Variants in ACER3 observed in about 807,000 individuals in gnomAD.
ACER3 encodes alkaline ceramidase 3.
ACER3 carries 16 observed loss-of-function variants against 48.9 expected under a neutral mutation model. That is an observed-to-expected ratio of 0.33 (90% CI 0.22 to 0.50). The LOEUF (loss-of-function observed/expected upper bound fraction) is 0.50, where lower values mean the gene tolerates loss of function less well. Ranked by LOEUF, ACER3 falls within the 20% of genes least tolerant of loss-of-function variation. The pLI is 0.98. For synonymous variants in ACER3, 109 were observed against 107.8 expected (o/e 1.01, Z -0.07); for missense variants, 227 against 326.0 (o/e 0.70, Z 2.34).
intron 6 of ACER3, among the ~76,000 whole-genome samples, chr11:76,996,715 C>CA (rs1305296706): frequency 7.5e-6 from 1 of 134,042 alleles, no homozygotes; most frequent in Non-Finnish European, 1.6e-5. Flanking sequence ...CCACCCCACC[C>CA]AGCCTTTTTT....
intron 2 of ACER3, among the ~76,000 whole-genome samples, chr11:76,951,605 T>C (rs927569315): frequency 1.3e-5 from 2 of 152,350 alleles, no homozygotes. Context: ...CACCTTATTT[T>C]ATTTCTCCCC....
At chr11:76,864,220 A>G (rs542644037) in intron 1 of ACER3, among the ~76,000 whole-genome samples, 1 of 152,202 alleles carries the variant, frequency 6.6e-6, no homozygotes, top group African/African-American at 2.4e-5. Context: ...ACCAGAGGAA[A>G]AGGTCTCTCA....
At chr11:76,985,813 G>A in intron 5 of ACER3, 89 bp downstream of exon 5, 2 of 682,360 alleles carry the variant, frequency 2.9e-6, no homozygotes, top group Non-Finnish European at 4.6e-6. Context: ...TTTGCTTCAT[G>A]CTGTCAAACT....
chr11:76,925,878 C>A (rs1160558124), intron 1 of ACER3, among the ~76,000 whole-genome samples: 2 of 152,080 alleles, frequency 1.3e-5, no homozygotes, highest in Non-Finnish European at 2.9e-5. Context: ...CCCCTTTATT[C>A]TTCTGATAAT....
chr11:76,946,258 C>T (rs1185431748), intron 2 of ACER3, among the ~76,000 whole-genome samples: 1 of 152,206 alleles, frequency 6.6e-6, no homozygotes, highest in East Asian at 1.9e-4. Context: ...CAAGGCACAG[C>T]CCAGCATTAA....
rs1949341656 is a variant in ACER3 at position 77,015,025 on chromosome 11, A to G, written c.507A>G (p.Pro169=). ...GTTTTCCCCCCCACAGGGTTTATCC[A>G]TGGCTTAGAGGACTGGGTTATACAT... ...RSIYIVTWVY[P]WLRGLGYTSL... Residue 169 remains proline, a synonymous_variant, in exon 8 of 11, where the codon CCA becomes CCG. Coordinates refer to ENST00000532485, the MANE Select transcript of ACER3 (RefSeq NM_018367.7). The G allele has an allele frequency of 1.2e-5, 19 of 1,594,164 alleles. No individual in the cohort carries two copies. Among genetic ancestry groups the G allele is most frequent in the Non-Finnish European group, 1.6e-5 (19 of 1,162,744 alleles).
intron 1 of ACER3, chr11:76,868,135 C>A: frequency 7.8e-7 from 1 of 1,289,754 alleles, no homozygotes; most frequent in Non-Finnish European, 1.0e-6. Context: ...TTCCTACCAT[C>A]CTCCCTGAAG....
intron 2 of ACER3, among the ~76,000 whole-genome samples, chr11:76,954,759 C>G (rs1947792377): frequency 6.6e-6 from 1 of 152,058 alleles, no homozygotes. Context: ...TGCCATCACA[C>G]CCAGTTAACC....
At chr11:76,987,470 A>AG (rs1948709007) in intron 5 of ACER3, among the ~76,000 whole-genome samples, 1 of 152,192 alleles carries the variant, frequency 6.6e-6, no homozygotes, top group African/African-American at 2.4e-5. Flanking sequence ...GCCATGGGGT[A>AG]GGGGTAGAGA....
In ACER3 at chr11:77,024,508, T is replaced by G. The variant is rs1555025312; in HGVS notation, c.*4181T>G. ...AAAACTCTGACTTTGGAGTATAAACTTTTGCCTTGAGTATGAAACCTTGAC... is the reference window on the plus strand; with the variant it reads ...AAAACTCTGACTTTGGAGTATAAACGTTTGCCTTGAGTATGAAACCTTGAC... On this transcript the variant is annotated 3_prime_UTR_variant, in exon 11 of 11. Transcript: ENST00000532485. The G allele has an allele frequency of 6.6e-6, 1 of 152,108 alleles. No individual in the cohort carries two copies. The allele number at this position is 152,108 out of a possible 1,614,324, so 9.4% of individuals were successfully genotyped here.
chr11:76,941,027 ACACACACACACACG>A (rs1326856117), intron 2 of ACER3, among the ~76,000 whole-genome samples: 7,700 of 101,530 alleles, frequency 0.076, 627 homozygotes, highest in African/African-American at 0.2. Flanking sequence ...ACACACACAC[ACACACACACACACG>A]CACACACACA....
intron 2 of ACER3, among the ~76,000 whole-genome samples, chr11:76,936,778 T>G (rs1230414067): frequency 6.6e-6 from 1 of 151,484 alleles, no homozygotes; most frequent in Non-Finnish European, 1.5e-5. Flanking sequence ...AGTGCAGTGG[T>G]GCAATATTTG....
intron 1 of ACER3, among the ~76,000 whole-genome samples, chr11:76,910,493 T>C (rs1946351413): frequency 1.3e-5 from 2 of 152,180 alleles, no homozygotes; most frequent in Non-Finnish European, 2.9e-5. Flanking sequence ...TAACATTTAT[T>C]CCTTGCTTAC....
intron 5 of ACER3, among the ~76,000 whole-genome samples, chr11:76,989,531 G>A (rs1364647610): frequency 1.3e-5 from 2 of 152,150 alleles, no homozygotes; most frequent in Non-Finnish European, 2.9e-5. Flanking sequence ...TATAGTTTGA[G>A]TTGAATCCTA....
intron 2 of ACER3, among the ~76,000 whole-genome samples, chr11:76,941,047 A>G (rs1039818298): frequency 1.9e-4 from 28 of 151,070 alleles, no homozygotes; most frequent in Non-Finnish European, 2.8e-4. Flanking sequence ...ACACGCACAC[A>G]CACACGCACA....
chr11:76,954,490 C>G (rs918178874), intron 2 of ACER3, among the ~76,000 whole-genome samples: 3 of 152,040 alleles, frequency 2.0e-5, no homozygotes, highest in African/African-American at 7.2e-5. Flanking sequence ...AGACAGCCCT[C>G]TTTTGACCCC....
At chr11:77,015,564 T>C (rs987500696) in intron 8 of ACER3, among the ~76,000 whole-genome samples, 1 of 152,218 alleles carries the variant, frequency 6.6e-6, no homozygotes, top group Non-Finnish European at 1.5e-5. Flanking sequence ...GGAGTTTGAA[T>C]CTTAGACTTA....
chr11:76,921,838 A>G (rs745769996), intron 1 of ACER3, among the ~76,000 whole-genome samples: 22 of 152,168 alleles, frequency 1.4e-4, no homozygotes, highest in African/African-American at 3.1e-4. Context: ...CAGATTGTCA[A>G]TCTGACCCAG....
intron 2 of ACER3, among the ~76,000 whole-genome samples, chr11:76,945,621 T>C (rs1209740781): frequency 2.0e-5 from 3 of 152,206 alleles, no homozygotes; most frequent in African/African-American, 7.2e-5. Context: ...TGTCAGTTTT[T>C]AGTCTCCAAA....
Sources: gnomAD v4.1 joint callset for allele counts (sites outside exome capture counted in the v4.1 genomes callset) on GRCh38, gnomAD v4.1.1 for gene constraint, MANE v1.5 for transcripts, NCBI Gene and HGNC (gene_info 2026-07-23, HGNC 2026-07-21) for gene names.